Variants in MET observed in about 807,000 individuals in gnomAD.
MET encodes MET proto-oncogene, receptor tyrosine kinase, also known as hepatocyte growth factor receptor.
MET carries 48 observed loss-of-function variants against 133.1 expected under a neutral mutation model. That is an observed-to-expected ratio of 0.36 (90% confidence interval 0.29 to 0.46). The LOEUF (loss-of-function observed/expected upper bound fraction) is 0.46. Among genes scored for constraint, MET ranks in the 20% least tolerant of loss-of-function variants. MET has a pLI of 1.00. For synonymous variants in MET, 628 were observed against 616.5 expected (o/e 1.02, Z -0.28); for missense variants, 1,442 against 1,695.9 (o/e 0.85, Z 2.63).
chr7:116,730,973 G>A (rs772880631), intron 2 of MET, among the ~76,000 whole-genome samples: 1 of 152,128 alleles, frequency 6.6e-6, no homozygotes, highest in Non-Finnish European at 1.5e-5. Flanking sequence ...CTCATGCTGG[G>A]TTCTATTGTG....
At chr7:116,741,907 G>A (rs946723610) in intron 5 of MET, among the ~76,000 whole-genome samples, 3 of 152,132 alleles carry the variant, frequency 2.0e-5, no homozygotes, top group South Asian at 2.1e-4. Context: ...CTCTAACATC[G>A]CAGCCATGCT....
chr7:116,674,546 C>T (rs1444954230), intron 1 of MET, among the ~76,000 whole-genome samples: 2 of 152,300 alleles, frequency 1.3e-5, no homozygotes, highest in East Asian at 3.9e-4. Context: ...TGCAGATCTA[C>T]ATAATAGTCT....
intron 5 of MET, among the ~76,000 whole-genome samples, chr7:116,749,766 G>A (rs1793842160): frequency 6.6e-6 from 1 of 152,218 alleles, no homozygotes; most frequent in African/African-American, 2.4e-5. Flanking sequence ...CAAATTCTCA[G>A]GATACAAAAT....
chr7:116,796,503 A>C lies in MET; in HGVS notation c.*379A>C. 1 of 393,236 alleles carries C rather than the reference A, an allele frequency of 2.5e-6. No homozygotes were observed. The highest frequency in any genetic ancestry group is 3.1e-5 in the South Asian group (1 of 32,080). 24.4% of individuals were successfully genotyped at this position (393,236 alleles called of 1,614,324 possible). ...CAGAAGAGATAGTAATGCTCAGGAC[A>C]GGAGCGGCAGCCCCAGAACAGGCCA... On this transcript the variant is annotated 3_prime_UTR_variant, in exon 21 of 21. Transcript: ENST00000397752.
At chr7:116,765,688 A>C (rs188580437) in intron 11 of MET, among the ~76,000 whole-genome samples, 71 of 152,244 alleles carry the variant, frequency 4.7e-4, no homozygotes, top group South Asian at 8.3e-4. Flanking sequence ...GTGGGTATAC[A>C]TGACTCCCCA....
chr7:116,705,436 T>C (rs964691004), intron 2 of MET, among the ~76,000 whole-genome samples: 2 of 152,170 alleles, frequency 1.3e-5, no homozygotes, highest in African/African-American at 2.4e-5. Context: ...TCCAACAATC[T>C]AGCACTCTCA....
At chr7:116,721,453 AT>A (rs1209780574) in intron 2 of MET, among the ~76,000 whole-genome samples, 25 of 152,150 alleles carry the variant, frequency 1.6e-4, no homozygotes, top group African/African-American at 4.6e-4. Flanking sequence ...GGATTCATTA[AT>A]TTTTTGAAGG....
chr7:116,726,413 T>C (rs1258840872), intron 2 of MET, among the ~76,000 whole-genome samples: 4 of 151,744 alleles, frequency 2.6e-5, no homozygotes, highest in Non-Finnish European at 5.9e-5. Flanking sequence ...GACTCAGAGA[T>C]CTCAAGCTAT....
intron 16 of MET, 101 bp from the exon 17 acceptor site, chr7:116,778,675 A>G: frequency 8.2e-7 from 1 of 1,221,424 alleles, no homozygotes; most frequent in Non-Finnish European, 1.2e-6. Flanking sequence ...ACAAGATGCT[A>G]ACTGTGTGGT....
intron 19 of MET, among the ~76,000 whole-genome samples, chr7:116,786,384 T>C (rs1220252989): frequency 4.6e-5 from 7 of 152,214 alleles, no homozygotes; most frequent in African/African-American, 1.4e-4. Context: ...GCTGGGAATA[T>C]GCTTTTGAGA....
chr7:116,739,817 G>C (rs1178852623), intron 3 of MET, 133 bp from the exon 4 acceptor site: 9 of 1,217,656 alleles, frequency 7.4e-6, no homozygotes. Flanking sequence ...TACAATGAGG[G>C]GAACTGTTGG....
chr7:116,737,308 G>A (rs1015577199), intron 3 of MET, among the ~76,000 whole-genome samples: 1 of 152,242 alleles, frequency 6.6e-6, no homozygotes, highest in African/African-American at 2.4e-5. Flanking sequence ...TAGATGCAGA[G>A]ACTTTCTCCT....
chr7:116,713,921 T>C (rs953238108), intron 2 of MET, among the ~76,000 whole-genome samples: 9 of 152,218 alleles, frequency 5.9e-5, no homozygotes, highest in Admixed American at 5.9e-4. Flanking sequence ...AAGAACTACT[T>C]CTGTTTTATT....
intron 11 of MET, among the ~76,000 whole-genome samples, chr7:116,765,306 A>C (rs945803382): frequency 1.3e-5 from 2 of 151,774 alleles, no homozygotes; most frequent in Non-Finnish European, 2.9e-5. Flanking sequence ...AAAAAAAAAA[A>C]AACCACGTAC....
intron 5 of MET, among the ~76,000 whole-genome samples, chr7:116,746,614 G>T (rs1793698565): frequency 6.6e-6 from 1 of 152,180 alleles, no homozygotes; most frequent in Admixed American, 6.5e-5. Context: ...AAAAGGATGA[G>T]TTCATGTCCT....
intron 1 of MET, chr7:116,695,916 A>C: frequency 4.1e-6 from 1 of 246,274 alleles, no homozygotes; most frequent in Non-Finnish European, 8.7e-6. Flanking sequence ...TCCCTTCATA[A>C]CCTGTACCCC....
chr7:116,765,208 G>T (rs1040223731), intron 11 of MET, among the ~76,000 whole-genome samples: 22 of 151,154 alleles, frequency 1.5e-4, no homozygotes, highest in Admixed American at 1.5e-3. Flanking sequence ...GCTGAGGGAC[G>T]GAGGTGACCT....
chr7:116,688,842 A>G (rs961917117), intron 1 of MET, among the ~76,000 whole-genome samples: 2 of 152,222 alleles, frequency 1.3e-5, no homozygotes, highest in East Asian at 3.8e-4. Context: ...AACTTTTTAA[A>G]TGATTATAGG....
intron 19 of MET, among the ~76,000 whole-genome samples, chr7:116,793,927 A>C (rs78841592): frequency 0.034 from 5,138 of 151,704 alleles, 286 homozygotes; most frequent in African/African-American, 0.12. Flanking sequence ...GAAAGAACAC[A>C]TGTGTACTGT....
Sources: gnomAD v4.1 joint callset for allele counts (sites outside exome capture counted in the v4.1 genomes callset) on GRCh38, gnomAD v4.1.1 for gene constraint, MANE v1.5 for transcripts, NCBI Gene and HGNC (gene_info 2026-07-23, HGNC 2026-07-21) for gene names.